The following C6orf132 variants were observed in gnomAD, a reference collection of about 807,000 sequenced individuals.
C6orf132 encodes uncharacterized protein C6orf132.
C6orf132 carries 43 observed loss-of-function variants against 65.3 expected under a neutral mutation model. The ratio of observed to expected loss-of-function variants is 0.66; its 90% CI spans 0.52 to 0.85. C6orf132 has a LOEUF of 0.85. Among genes scored for constraint, C6orf132 ranks in the 40% least tolerant of loss-of-function variants. The probability of loss-of-function intolerance (pLI) is 0.00; values close to 1 mark genes in which losing one functional copy is unlikely to be tolerated. For missense variants in C6orf132, 1,488 were observed against 1,548.8 expected, an observed-to-expected ratio of 0.96 and a Z score of 0.66; for synonymous variants, 631 against 654.1, an observed-to-expected ratio of 0.96 and a Z score of 0.54.
At chr6:42,123,600 AAGG>A (rs1162990997) in intron 2 of C6orf132, among the ~76,000 whole-genome samples, 1 of 151,250 alleles carries the variant, frequency 6.6e-6, no homozygotes, top group Non-Finnish European at 1.5e-5. Context: ...AAGAAGAAAG[AAGG>A]AAGAAGAAGA....
intron 1 of C6orf132, 47 bp from the exon 2 acceptor site, chr6:42,128,825 A>G (rs1766809710): frequency 7.1e-7 from 1 of 1,418,304 alleles, no homozygotes; most frequent in Non-Finnish European, 9.7e-7. Flanking sequence ...GATCCAAGGC[A>G]TCCGGCCACC....
In C6orf132 at chr6:42,104,936, G is replaced by A. The variant is rs1766366120; in HGVS notation, c.2976C>T (p.Phe992=). 1 of 1,476,908 alleles carries A rather than the reference G, an allele frequency of 6.8e-7. No individual in the cohort carries two copies. Among genetic ancestry groups the A allele is most frequent in the Non-Finnish European group, 8.9e-7 (1 of 1,118,706 alleles). 91.5% of individuals were successfully genotyped at this position (1,476,908 alleles called of 1,614,324 possible). A position where few individuals can be genotyped will look rare whatever the true frequency, so the allele number is the denominator to read the frequency against. ...GGGCCGGGGGCTCAGGGTCATTGCT[G>A]AACTCTGGCGGCGGTGGGATGACCT... ...NFEVIPPPPE[F]SNDPEPPAPA... is the part of the protein sequence containing the mutation. The change falls in exon 4 of 5, where the codon TTC becomes TTT. Residue 992 remains phenylalanine (F), a synonymous_variant. Transcript: ENST00000341865. This position sits in a 1 kb window ranked among gnomAD's most constrained non-coding sequence, Gnocchi z 4.1.
At position 42,117,923 on chromosome 6, in the gene C6orf132, CA is replaced by C. The variant is rs556142891; in HGVS notation, c.253-7633del. On this transcript the variant is annotated intron_variant, in intron 2 of 4. Transcript: ENST00000341865. The stretch of plus-strand genomic sequence containing the variant: ...TGAGTGACAGAGCAAAACCCTGTCA[CA>C]AAAAAAAAAAAAAAAAAAAAAAAAA... 5.1e-3 allele frequency among the ~76,000 whole-genome samples: 318 copies of C among 62,330 alleles called. 1 individual carries two copies. Among genetic ancestry groups the C allele is most frequent in the African/African-American group, 7.3e-3 (122 of 16,746 alleles). 40.9% of individuals were successfully genotyped at this position (62,330 alleles called of 152,430 possible). A position where few individuals can be genotyped will look rare whatever the true frequency, so the allele number is the denominator to read the frequency against.
chr6:42,137,463 G>A (rs968149950), intron 1 of C6orf132, among the ~76,000 whole-genome samples: 8 of 152,192 alleles, frequency 5.3e-5, no homozygotes, highest in African/African-American at 1.9e-4. Context: ...CCTGACTCCC[G>A]GGGTAGGAGG....
At chr6:42,123,918 G>C (rs1415966562) in intron 2 of C6orf132, among the ~76,000 whole-genome samples, 2 of 152,206 alleles carry the variant, frequency 1.3e-5, no homozygotes, top group African/African-American at 2.4e-5. Flanking sequence ...CCAGTAGCTG[G>C]AAAACCTCCC....
chr6:42,116,944 C>T (rs1409812297), intron 2 of C6orf132, among the ~76,000 whole-genome samples: 2 of 152,204 alleles, frequency 1.3e-5, no homozygotes, highest in Admixed American at 6.5e-5. Context: ...GATCCAGCTA[C>T]ATCTGCCTCT....
At chr6:42,111,503 T>G (rs1238585128) in intron 2 of C6orf132, among the ~76,000 whole-genome samples, 5 of 152,044 alleles carry the variant, frequency 3.3e-5, no homozygotes, top group Non-Finnish European at 7.4e-5. Flanking sequence ...AGGCTGGTCC[T>G]GAACTCCTGA....
intron 2 of C6orf132, among the ~76,000 whole-genome samples, chr6:42,110,874 A>T (rs1438408996): frequency 1.3e-5 from 2 of 152,232 alleles, no homozygotes; most frequent in Non-Finnish European, 1.5e-5. Flanking sequence ...GAAGCAACAC[A>T]AGCATTGATT....
chr6:42,120,901 A>G lies in C6orf132; in HGVS notation c.252+7771T>C, dbSNP rs537350875. Among the ~76,000 whole-genome samples the G allele has an allele frequency of 2.3e-4, 35 of 152,144 alleles. 1 individual carries two copies. The Middle Eastern group carries it at 0.014, about 59-fold the overall frequency. On this transcript the variant is annotated intron_variant, in intron 2 of 4. Coordinates refer to ENST00000341865, the MANE Select transcript of C6orf132 (RefSeq NM_001164446.3). ...CTCCCAAAGTGTTGGGATTACAGGC[A>G]TGAGCCACCGCGCCTGGCCTAGTTT...
At chr6:42,119,211 G>A (rs887880611) in intron 2 of C6orf132, among the ~76,000 whole-genome samples, 21 of 119,834 alleles carry the variant, frequency 1.8e-4, no homozygotes, top group Non-Finnish European at 2.9e-4. Context: ...ATTGCGCCAC[G>A]TCACTCCAGC....
chr6:42,123,071 T>A (rs571044751), intron 2 of C6orf132, among the ~76,000 whole-genome samples: 1 of 152,304 alleles, frequency 6.6e-6, no homozygotes, highest in African/African-American at 2.4e-5. Context: ...CACTGTTCTA[T>A]GGACCCAGCT....
At chr6:42,130,036 G>A (rs1351947259) in intron 1 of C6orf132, among the ~76,000 whole-genome samples, 1 of 152,238 alleles carries the variant, frequency 6.6e-6, no homozygotes, top group African/African-American at 2.4e-5. Flanking sequence ...GAGCATCTGG[G>A]CTTTGGATGT....
At chr6:42,137,931 A>G (rs904080724) in intron 1 of C6orf132, among the ~76,000 whole-genome samples, 1 of 152,106 alleles carries the variant, frequency 6.6e-6, no homozygotes, top group Non-Finnish European at 1.5e-5. Flanking sequence ...AAAAATAGCC[A>G]TGTGTGGTGG....
chr6:42,110,983 A>G (rs1388778559), intron 2 of C6orf132, among the ~76,000 whole-genome samples: 1 of 152,244 alleles, frequency 6.6e-6, no homozygotes, highest in Non-Finnish European at 1.5e-5. Flanking sequence ...CTCGATGAAA[A>G]AGACAAAACA....
intron 2 of C6orf132, among the ~76,000 whole-genome samples, chr6:42,112,000 G>A (rs1766502783): frequency 1.4e-5 from 2 of 143,736 alleles, no homozygotes; most frequent in African/African-American, 5.5e-5. Context: ...ATCCCACATT[G>A]TAGCTTCACC....
chr6:42,104,778 TAGCGCGCGCCCGCGGGAA>T lies in C6orf132; in HGVS notation c.3116_3133del (p.Phe1039_Arg1044del). 2.7e-6 allele frequency: 4 copies of T among 1,502,450 alleles called. No individual in the cohort carries two copies. The highest frequency in any genetic ancestry group is 3.5e-6 in the Non-Finnish European group (4 of 1,132,582). The allele number at this position is 1,502,450 out of a possible 1,614,324, so 93.1% of individuals were successfully genotyped here. A position where few individuals can be genotyped will look rare whatever the true frequency, so the allele number is the denominator to read the frequency against. On this transcript the variant is annotated inframe_deletion, in exon 4 of 5. Transcript: ENST00000341865. This position sits in a 1 kb window ranked among gnomAD's most constrained non-coding sequence, Gnocchi z 4.1. Reference sequence around the variant, plus strand: ...GCGCTCCAGGCCCCCAGCCCCGGCGTAGCGCGCGCCCGCGGGAAAGCGCGAGAAGCCGAGAGCCGGGGG... The same window carrying T: ...GCGCTCCAGGCCCCCAGCCCCGGCGTAGCGCGAGAAGCCGAGAGCCGGGGG...
chr6:42,132,015 G>T (rs772411840), intron 1 of C6orf132, among the ~76,000 whole-genome samples: 1 of 152,008 alleles, frequency 6.6e-6, no homozygotes, highest in Non-Finnish European at 1.5e-5. Context: ...TGTGAGAGGC[G>T]CTCAGCTGCC....
rs145014821 is a variant in C6orf132, at chr6:42,111,638, T to C, written c.253-1347A>G. 3.7e-3 allele frequency among the ~76,000 whole-genome samples: 565 copies of C among 152,236 alleles called. 4 individuals carry two copies. The highest frequency in any genetic ancestry group is 0.012 in the African/African-American group (511 of 41,534). Reference sequence around the variant, plus strand: ...TGTGGTTTCGTCATGTCTCCCAGGCTGGTCTTGAACTCCTGGGCTCAAGTA... The same window carrying C: ...TGTGGTTTCGTCATGTCTCCCAGGCCGGTCTTGAACTCCTGGGCTCAAGTA... On this transcript the variant is annotated intron_variant, in intron 2 of 4. Coordinates refer to ENST00000341865, the MANE Select transcript of C6orf132 (RefSeq NM_001164446.3).
Position 42,107,295 on chromosome 6 carries a change from G to T in C6orf132, c.617C>A (p.Pro206Gln). The change falls in exon 4 of 5, where the codon CCA becomes CAA. Residue 206 changes from proline (P) to glutamine (Q), a missense_variant. By Grantham distance (76) the Pro-to-Gln change is moderately conservative (BLOSUM62 -1). Transcript: ENST00000341865. Reference protein sequence around the residue: ...ALSPPHTLSSPSIPTPPDFIP... With the variant: ...ALSPPHTLSSQSIPTPPDFIP... ...GAAGTCAGGAGGGGTGGGTATGGAT[G>T]GGGAGGAAAGAGTGTGTGGTGGGGA... 7.3e-7 allele frequency: 1 copy of T among 1,369,378 alleles called. No individual in the cohort carries two copies. The highest frequency in any genetic ancestry group is 9.5e-7 in the Non-Finnish European group (1 of 1,049,212). 84.8% of individuals were successfully genotyped at this position (1,369,378 alleles called of 1,614,324 possible). A position where few individuals can be genotyped will look rare whatever the true frequency, so the allele number is the denominator to read the frequency against.
Sources: gnomAD v4.1 joint callset for allele counts (sites outside exome capture counted in the v4.1 genomes callset) on GRCh38, gnomAD v4.1.1 for gene constraint, Gnocchi (gnomAD v3.1) non-coding constraint, MANE v1.5 for transcripts, NCBI Gene and HGNC (gene_info 2026-07-23, HGNC 2026-07-21) for gene names.